Variants in MTFR2 observed in about 807,000 individuals in gnomAD.
MTFR2 encodes the protein DUF729 domain-containing protein 1.
A neutral mutation model predicts 41.2 loss-of-function variants in MTFR2; 44 were observed. The ratio of observed to expected loss-of-function variants is 1.07; its 90% CI spans 0.84 to 1.37. MTFR2 has a LOEUF of 1.37. MTFR2 is among the 40% of genes most tolerant of loss of function. The pLI is 0.00. For missense variants in MTFR2, 452 were observed against 459.5 expected (o/e 0.98, Z 0.15); for synonymous variants, 141 against 154.6 (o/e 0.91, Z 0.65).
At chr6:136,234,473 C>A (rs2128456977) in intron 6 of MTFR2, among the ~76,000 whole-genome samples, 1 of 152,186 alleles carries the variant, frequency 6.6e-6, no homozygotes, top group Admixed American at 6.5e-5. Flanking sequence ...TCTGGGGCTG[C>A]ATCAGGAAGG....
intron 3 of MTFR2, among the ~76,000 whole-genome samples, chr6:136,244,388 C>T (rs1010782270): frequency 3.3e-5 from 5 of 152,118 alleles, no homozygotes; most frequent in Admixed American, 2.6e-4. Flanking sequence ...TAACAACTGC[C>T]TACAGTATTC....
intron 1 of MTFR2, 75 bp downstream of exon 1, chr6:136,249,901 G>C (rs1311494204): frequency 3.3e-5 from 5 of 152,214 alleles, no homozygotes; most frequent in Non-Finnish European, 2.9e-5. Context: ...GCCGTGACCA[G>C]AGCCGGATCG....
chr6:136,233,459 T>G lies in MTFR2; in HGVS notation c.910A>C (p.Asn304His). Reference protein sequence around the residue: ...GRPIHKRKRQNSHWDPVSLIS... With the variant: ...GRPIHKRKRQHSHWDPVSLIS... ...AAAGAAACTGGATCCCAATGTGAAT[T>G]CTGTCTTTTCCTCTTATGAATGGGT... is the stretch of plus-strand genomic sequence containing the variant. Residue 304 changes from asparagine (N) to histidine (H), a missense_variant, in exon 7 of 8, where the codon AAT (asparagine) becomes CAT (histidine). Physicochemically the swap from Asn to His is moderately conservative, Grantham distance 68. Coordinates refer to ENST00000420702, the MANE Select transcript of MTFR2 (RefSeq NM_001099286.3). 2 of 1,585,934 alleles carry G rather than the reference T, an allele frequency of 1.3e-6. No homozygotes were observed. Among genetic ancestry groups the G allele is most frequent in the East Asian group, 2.3e-5 (1 of 44,368 alleles).
chr6:136,243,864 A>T (rs1780148993), intron 3 of MTFR2, among the ~76,000 whole-genome samples: 1 of 152,190 alleles, frequency 6.6e-6, no homozygotes, highest in Non-Finnish European at 1.5e-5. Flanking sequence ...ATGTGGAGGT[A>T]GAAGGCAGTG....
Position 136,241,493 on chromosome 6 carries a change from C to A in MTFR2, c.465G>T (p.Gln155His), listed in dbSNP as rs766477083. ...LENELTFLRSQIAAIVEMQEL... is the reference protein window; with the variant it reads ...LENELTFLRSHIAAIVEMQEL... ...CCTGCATTTCCACAATTGCTGCAATCTGAGAGCGAAGAAAAGTCAGCTCAT... is the reference window on the plus strand; with the variant it reads ...CCTGCATTTCCACAATTGCTGCAATATGAGAGCGAAGAAAAGTCAGCTCAT... Residue 155 changes from glutamine (Q) to histidine (H), a missense_variant, in exon 5 of 8, where the codon CAG becomes CAT. Physicochemically the swap from Gln to His is conservative, Grantham distance 24. Transcript: ENST00000420702. The A allele has an allele frequency of 6.2e-7, 1 of 1,614,074 alleles. No homozygotes were observed. Among genetic ancestry groups the A allele is most frequent in the Non-Finnish European group, 8.5e-7 (1 of 1,179,996 alleles).
In MTFR2 at chr6:136,239,797, G is replaced by A. The variant is rs146408541; in HGVS notation, c.538C>T (p.Arg180Cys). The change falls in exon 6 of 8, where the codon CGC (arginine) becomes TGC (cysteine). Residue 180 changes from arginine to cysteine, a missense_variant. Transcript: ENST00000420702. Reference sequence around the variant, plus strand: ...GATGACAGCTGACCCAAACTAATGCGCTCGTCACTCAAGCCAAAGGAACCT... The same window carrying A: ...GATGACAGCTGACCCAAACTAATGCACTCGTCACTCAAGCCAAAGGAACCT... ...NSSSFGLSDE[R>C]ISLGQLSSSR... 27 of 1,608,738 alleles carry A rather than the reference G, an allele frequency of 1.7e-5. No individual in the cohort carries two copies. In the African/African-American group the frequency reaches 2.7e-4, roughly 16 times the overall value.
intron 6 of MTFR2, among the ~76,000 whole-genome samples, chr6:136,236,398 G>A (rs936262104): frequency 6.6e-6 from 1 of 152,228 alleles, no homozygotes; most frequent in Admixed American, 6.5e-5. Flanking sequence ...ATCTGTAGGT[G>A]TAAAGAGGTG....
At chr6:136,246,557 A>G (rs1341614456) in intron 2 of MTFR2, among the ~76,000 whole-genome samples, 3 of 152,020 alleles carry the variant, frequency 2.0e-5, no homozygotes, top group African/African-American at 7.2e-5. Context: ...TGTTGGGATT[A>G]CAGGGGCGAC....
Position 136,237,097 on chromosome 6 carries a change from C to T in MTFR2, c.869+2369G>A, listed in dbSNP as rs138831396. On this transcript the variant is annotated intron_variant, in intron 6 of 7. Coordinates refer to ENST00000420702, the MANE Select transcript of MTFR2 (RefSeq NM_001099286.3). ...GCTCTCCAATGACCTGACTTGCACCCGCTGTGTAATCCCCATCCCTCCTGA... is the reference window on the plus strand; with the variant it reads ...GCTCTCCAATGACCTGACTTGCACCTGCTGTGTAATCCCCATCCCTCCTGA... Among the ~76,000 whole-genome samples, 242 of 152,288 alleles carry T rather than the reference C, an allele frequency of 1.6e-3. 1 individual carries two copies. The highest frequency in any genetic ancestry group is 5.4e-3 in the African/African-American group (224 of 41,562).
At position 136,241,523 on chromosome 6, in the gene MTFR2, A is replaced by G. The variant is rs1562211436; in HGVS notation, c.435T>C (p.Leu145=). The G allele has an allele frequency of 3.7e-6, 6 of 1,614,100 alleles. No homozygotes were observed. In the East Asian group the frequency reaches 1.3e-4, roughly 36 times the overall value. The change falls in exon 5 of 8, where the codon CTT becomes CTC. Residue 145 remains leucine, a synonymous_variant. Coordinates refer to ENST00000420702, the MANE Select transcript of MTFR2 (RefSeq NM_001099286.3). ...AGCGAAGAAAAGTCAGCTCATTTTCAAGGGCAGCTATTTTTCTAATTGCAG... is the reference window on the plus strand; with the variant it reads ...AGCGAAGAAAAGTCAGCTCATTTTCGAGGGCAGCTATTTTTCTAATTGCAG... ...NEAAIRKIAA[L]ENELTFLRSQ... is the part of the protein sequence containing the mutation.
intron 2 of MTFR2, among the ~76,000 whole-genome samples, chr6:136,246,721 T>C (rs1780221380): frequency 6.6e-6 from 1 of 152,174 alleles, no homozygotes; most frequent in African/African-American, 2.4e-5. Flanking sequence ...TCAAAAATGG[T>C]TCATTCTTTT....
intron 7 of MTFR2, among the ~76,000 whole-genome samples, chr6:136,232,346 C>A (rs1779784206): frequency 6.6e-6 from 1 of 152,118 alleles, no homozygotes; most frequent in Non-Finnish European, 1.5e-5. Flanking sequence ...CCTCCACCTC[C>A]CGGGTTCAAC....
At chr6:136,234,243 G>C (rs367592713) in intron 6 of MTFR2, among the ~76,000 whole-genome samples, 4 of 147,590 alleles carry the variant, frequency 2.7e-5, no homozygotes, top group Admixed American at 6.8e-5. Flanking sequence ...AGGAGGTCAA[G>C]CCTGCAGCAA....
intron 2 of MTFR2, among the ~76,000 whole-genome samples, chr6:136,245,137 A>G (rs1780183838): frequency 6.6e-6 from 1 of 151,444 alleles, no homozygotes; most frequent in Admixed American, 6.6e-5. Flanking sequence ...AAAAAGCACA[A>G]TTCATTTTGT....
chr6:136,240,051 G>A (rs976041903), intron 5 of MTFR2, among the ~76,000 whole-genome samples: 9 of 149,960 alleles, frequency 6.0e-5, no homozygotes, highest in South Asian at 2.1e-4. Flanking sequence ...AGAGCAGAGC[G>A]GGGAGGAGAA....
chr6:136,245,961 C>T (rs888734392), intron 2 of MTFR2, among the ~76,000 whole-genome samples: 1 of 152,160 alleles, frequency 6.6e-6, no homozygotes, highest in African/African-American at 2.4e-5. Flanking sequence ...GGCTATCATA[C>T]TGGATTGCAC....
intron 7 of MTFR2, 66 bp from the exon 8 acceptor site, chr6:136,231,454 A>G (rs1378184621): frequency 1.0e-6 from 1 of 987,768 alleles, no homozygotes; most frequent in Admixed American, 2.3e-5. Context: ...GAATGGCAAG[A>G]CAAAGGCCAG....
chr6:136,240,784 A>C (rs1170948606), intron 5 of MTFR2, among the ~76,000 whole-genome samples: 5 of 152,170 alleles, frequency 3.3e-5, no homozygotes, highest in Non-Finnish European at 7.3e-5. Flanking sequence ...CAATGCTTTC[A>C]TGAAGAGTTA....
intron 3 of MTFR2, among the ~76,000 whole-genome samples, chr6:136,243,732 G>T (rs989299639): frequency 1.4e-5 from 2 of 145,336 alleles, no homozygotes; most frequent in Middle Eastern, 3.5e-3. Context: ...AAAAAAAAAA[G>T]TTAACTATAC....
Sources: allele counts gnomAD v4.1 joint callset (sites outside exome capture counted in the v4.1 genomes callset), GRCh38; gene constraint gnomAD v4.1.1; transcripts MANE v1.5; gene names NCBI Gene and HGNC (gene_info 2026-07-23, HGNC 2026-07-21).